Variants in GALNT1 observed in about 807,000 individuals in gnomAD.
GALNT1 encodes polypeptide N-acetylgalactosaminyltransferase 1.
GALNT1 carries 17 observed loss-of-function variants against 65.7 expected under a neutral mutation model. The observed-to-expected ratio is 0.26, with a 90% confidence interval of 0.18 to 0.39. GALNT1 has a LOEUF of 0.39. GALNT1 is among the 10% of genes least tolerant of loss of function. The pLI is 1.00. For missense variants in GALNT1, 460 were observed against 672.8 expected (o/e 0.68, Z 3.50); for synonymous variants, 210 against 219.7 (o/e 0.96, Z 0.39).
chr18:35,671,502 T>C (rs900586954), intron 3 of GALNT1, among the ~76,000 whole-genome samples: 3 of 152,240 alleles, frequency 2.0e-5, no homozygotes, highest in Admixed American at 2.0e-4. Context: ...TATGACTTGA[T>C]CTACATGTAT....
intron 1 of GALNT1, among the ~76,000 whole-genome samples, chr18:35,635,708 AT>A (rs2047079958): frequency 6.6e-6 from 1 of 152,150 alleles, no homozygotes; most frequent in African/African-American, 2.4e-5. Flanking sequence ...TAGCTGACCA[AT>A]TTTGTTTCTC....
intron 7 of GALNT1, among the ~76,000 whole-genome samples, chr18:35,690,135 G>T (rs1008274166): frequency 6.6e-6 from 1 of 152,168 alleles, no homozygotes; most frequent in South Asian, 2.1e-4. Context: ...TTGGTGGGGG[G>T]AATGTATTTT....
At position 35,654,838 on chromosome 18, in the gene GALNT1, T is replaced by A. The variant is rs751162237; in HGVS notation, c.139+37T>A. Reference sequence around the variant, plus strand: ...TTTATAATAGAGCTGTTTTAACTACTATATCACTGGTTTTTACTAACTAAT... The same window carrying A: ...TTTATAATAGAGCTGTTTTAACTACAATATCACTGGTTTTTACTAACTAAT... On this transcript the variant is annotated intron_variant, in intron 2 of 11. Transcript: ENST00000269195. The A allele has an allele frequency of 2.0e-5, 29 of 1,431,424 alleles. No homozygotes were observed. The Admixed American group carries it at 6.4e-4, about 31-fold the overall frequency. 88.7% of individuals were successfully genotyped at this position (1,431,424 alleles called of 1,614,324 possible). A position where few individuals can be genotyped will look rare whatever the true frequency, so the allele number is the denominator to read the frequency against.
intron 1 of GALNT1, among the ~76,000 whole-genome samples, chr18:35,619,815 C>T (rs2046829222): frequency 6.6e-6 from 1 of 152,176 alleles, no homozygotes; most frequent in African/African-American, 2.4e-5. Context: ...TGTGGACCAA[C>T]AGTTGTTTGT....
At chr18:35,602,554 CT>C (rs1232648861) in intron 1 of GALNT1, among the ~76,000 whole-genome samples, 1 of 151,916 alleles carries the variant, frequency 6.6e-6, no homozygotes, top group African/African-American at 2.4e-5. Context: ...CATTTTTATT[CT>C]TTTTTTTCCT....
chr18:35,683,682 AT>A, intron 5 of GALNT1, 84 bp downstream of exon 5: 1 of 1,062,774 alleles, frequency 9.4e-7, no homozygotes, highest in Non-Finnish European at 1.3e-6. Flanking sequence ...TATTTTTTAA[AT>A]AAATATAAAA....
rs147906798 is a variant in GALNT1 at position 35,699,084 on chromosome 18, A to T, written c.1300-3813A>T. 2.6e-5 allele frequency among the ~76,000 whole-genome samples: 4 copies of T among 152,288 alleles called. No individual in the cohort carries two copies. In the East Asian group the frequency reaches 7.7e-4, roughly 29 times the overall value. On this transcript the variant is annotated intron_variant, in intron 9 of 11. Transcript: ENST00000269195. ...GTCATTTCACTCATTTCTCCTTCCCAGGTCCTAAGTTGAAGTGGTCATATT... is the reference window on the plus strand; with the variant it reads ...GTCATTTCACTCATTTCTCCTTCCCTGGTCCTAAGTTGAAGTGGTCATATT...
intron 1 of GALNT1, among the ~76,000 whole-genome samples, chr18:35,584,224 C>T (rs906380269): frequency 4.6e-5 from 7 of 152,170 alleles, no homozygotes; most frequent in Admixed American, 6.5e-5. Context: ...ATCAGGTTGA[C>T]GCTGTTTCTG....
At chr18:35,602,494 T>C (rs1388909698) in intron 1 of GALNT1, among the ~76,000 whole-genome samples, 2 of 152,186 alleles carry the variant, frequency 1.3e-5, no homozygotes, top group Non-Finnish European at 2.9e-5. Flanking sequence ...CAGTGATTCT[T>C]AGATCTTCTG....
chr18:35,654,880 T>G (rs745312567), intron 2 of GALNT1, 79 bp downstream of exon 2: 839 of 1,182,800 alleles, frequency 7.1e-4, no homozygotes, highest in Non-Finnish European at 8.6e-4. Flanking sequence ...AATATAAAAT[T>G]TTAACTTTTT....
At chr18:35,591,522 C>T (rs545978286) in intron 1 of GALNT1, among the ~76,000 whole-genome samples, 3 of 152,178 alleles carry the variant, frequency 2.0e-5, no homozygotes, top group African/African-American at 7.2e-5. Context: ...TAAACCTGTC[C>T]CCATGGCTGT....
intron 1 of GALNT1, among the ~76,000 whole-genome samples, chr18:35,604,701 G>A (rs1416180045): frequency 2.0e-5 from 3 of 152,086 alleles, no homozygotes; most frequent in Non-Finnish European, 2.9e-5. Flanking sequence ...CTTATTGGCC[G>A]TGTGTATGTC....
intron 9 of GALNT1, among the ~76,000 whole-genome samples, chr18:35,701,422 T>C (rs950951808): frequency 1.3e-5 from 2 of 152,202 alleles, no homozygotes; most frequent in East Asian, 1.9e-4. Flanking sequence ...CTGGTATTAA[T>C]TGATCACCTA....
At chr18:35,645,050 T>G (rs1165998085) in intron 1 of GALNT1, among the ~76,000 whole-genome samples, 1 of 151,770 alleles carries the variant, frequency 6.6e-6, no homozygotes, top group Non-Finnish European at 1.5e-5. Flanking sequence ...CAAAGCCTCA[T>G]TTGGGTTTTG....
intron 3 of GALNT1, among the ~76,000 whole-genome samples, chr18:35,668,779 C>T (rs1440656524): frequency 6.6e-6 from 1 of 151,980 alleles, no homozygotes; most frequent in South Asian, 2.1e-4. Flanking sequence ...GGTAAGTGTT[C>T]TTACCACAAT....
At chr18:35,667,470 AATG>A (rs2047566028) in intron 3 of GALNT1, among the ~76,000 whole-genome samples, 1 of 152,220 alleles carries the variant, frequency 6.6e-6, no homozygotes, top group Non-Finnish European at 1.5e-5. Context: ...GAAAAATAAA[AATG>A]ATTATACCAT....
intron 1 of GALNT1, among the ~76,000 whole-genome samples, chr18:35,605,490 CAA>C (rs1175947462): frequency 1.2e-4 from 14 of 115,802 alleles, no homozygotes; most frequent in East Asian, 2.5e-4. Context: ...GACTCTGTCT[CAA>C]AAAAAAAAAA....
chr18:35,663,923 AC>A (rs2047510426), intron 3 of GALNT1, 121 bp downstream of exon 3: 5 of 817,188 alleles, frequency 6.1e-6, no homozygotes, highest in Non-Finnish European at 9.9e-6. Context: ...GTTACTACTT[AC>A]CCCACTTAGA....
intron 1 of GALNT1, among the ~76,000 whole-genome samples, chr18:35,647,191 G>A (rs574141463): frequency 6.6e-6 from 1 of 152,260 alleles, no homozygotes; most frequent in African/African-American, 2.4e-5. Context: ...CTCAAACCAT[G>A]TCTTTCTTAG....
Sources: gnomAD v4.1 joint callset for allele counts (sites outside exome capture counted in the v4.1 genomes callset) on GRCh38, gnomAD v4.1.1 for gene constraint, MANE v1.5 for transcripts, NCBI Gene and HGNC (gene_info 2026-07-23, HGNC 2026-07-21) for gene names.